AFF3: variants seen among roughly 807,000 people sequenced by gnomAD.
AFF3 encodes ALF transcription elongation factor 3.
In AFF3, 32 loss-of-function variants were observed where a neutral mutation model predicts 129.7. The observed-to-expected ratio is 0.25, with a 90% CI of 0.19 to 0.33. AFF3 has a LOEUF of 0.33. AFF3 is among the 10% of genes least tolerant of loss of function. The probability of loss-of-function intolerance (pLI) is 1.00; values close to 1 mark genes in which losing one functional copy is unlikely to be tolerated. For missense variants in AFF3, 1,373 were observed against 1,592.0 expected, an observed-to-expected ratio of 0.86 and a Z score of 2.34; for synonymous variants, 644 against 635.4, an observed-to-expected ratio of 1.01 and a Z score of -0.20.
intron 7 of AFF3, among the ~76,000 whole-genome samples, chr2:99,943,527 A>G (rs1047506521): frequency 6.6e-6 from 1 of 152,216 alleles, no homozygotes; most frequent in African/African-American, 2.4e-5. Flanking sequence ...TTTGATCAGT[A>G]AAAGAAAATG....
intron 8 of AFF3, among the ~76,000 whole-genome samples, chr2:99,803,825 T>C (rs1057046846): frequency 6.6e-6 from 1 of 151,822 alleles, no homozygotes; most frequent in Non-Finnish European, 1.5e-5. Context: ...AAAACATAAA[T>C]TGGAAAAAGG....
chr2:100,017,407 A>T (rs1683224953), intron 4 of AFF3, among the ~76,000 whole-genome samples: 1 of 152,092 alleles, frequency 6.6e-6, no homozygotes, highest in Non-Finnish European at 1.5e-5. Context: ...TCTTAATTCA[A>T]TCTTGAAAAT....
chr2:99,690,463 G>A (rs1675545220), intron 11 of AFF3, among the ~76,000 whole-genome samples: 1 of 151,894 alleles, frequency 6.6e-6, no homozygotes, highest in Non-Finnish European at 1.5e-5. Flanking sequence ...TTACAGGCGT[G>A]AGCCACCACG....
chr2:99,941,662 G>A (rs925587632), intron 7 of AFF3, among the ~76,000 whole-genome samples: 3 of 152,160 alleles, frequency 2.0e-5, no homozygotes, highest in Non-Finnish European at 4.4e-5. Context: ...TTCTTACAAA[G>A]CTTCCTAAGT....
intron 11 of AFF3, chr2:99,707,331 G>C: frequency 1.0e-6 from 1 of 984,856 alleles, no homozygotes; most frequent in Non-Finnish European, 1.2e-6. Flanking sequence ...CAATCTTGAA[G>C]CTGTCAGTTA....
intron 12 of AFF3, among the ~76,000 whole-genome samples, chr2:99,662,855 G>A (rs1686363414): frequency 6.6e-6 from 1 of 152,156 alleles, no homozygotes. Context: ...GGATGTGAAT[G>A]TCACGCTGAC....
intron 11 of AFF3, among the ~76,000 whole-genome samples, chr2:99,705,867 T>G (rs1575749281): frequency 1.2e-5 from 1 of 85,190 alleles, no homozygotes; most frequent in Admixed American, 1.9e-4. Flanking sequence ...AGAGCAAAAC[T>G]GCGCCTCAAA....
At chr2:100,132,790 C>G (rs947249715) in intron 1 of AFF3, among the ~76,000 whole-genome samples, 1 of 151,898 alleles carries the variant, frequency 6.6e-6, no homozygotes, top group African/African-American at 2.4e-5. Flanking sequence ...ATTGATTACA[C>G]ATTGAAATGA....
intron 4 of AFF3, among the ~76,000 whole-genome samples, chr2:100,060,246 T>C (rs377363798): frequency 2.0e-5 from 3 of 152,216 alleles, no homozygotes; most frequent in African/African-American, 7.2e-5. Flanking sequence ...ACAACAGAGA[T>C]GTAGCCTATG....
chr2:99,813,695 C>T (rs1686975802), intron 8 of AFF3, among the ~76,000 whole-genome samples: 1 of 152,192 alleles, frequency 6.6e-6, no homozygotes, highest in Admixed American at 6.5e-5. Flanking sequence ...CTGGTTAGAG[C>T]CTTCTCTGTA....
chr2:99,868,835 C>T (rs1048069289), intron 7 of AFF3, among the ~76,000 whole-genome samples: 1 of 152,152 alleles, frequency 6.6e-6, no homozygotes, highest in African/African-American at 2.4e-5. Context: ...CTCTGTCACC[C>T]AGGCTGGAGT....
chr2:99,749,291 A>C (rs1681430238), intron 9 of AFF3, among the ~76,000 whole-genome samples: 1 of 152,228 alleles, frequency 6.6e-6, no homozygotes, highest in Admixed American at 6.5e-5. Flanking sequence ...ATTACACCTC[A>C]ATAGAGCTAA....
Position 99,593,634 on chromosome 2 carries a change from G to T in AFF3, c.2027C>A (p.Ser676Tyr). 1.2e-6 allele frequency: 2 copies of T among 1,609,652 alleles called. No individual in the cohort carries two copies. Among genetic ancestry groups the T allele is most frequent in the Non-Finnish European group, 1.7e-6 (2 of 1,177,478 alleles). The change falls in exon 15 of 25, where the codon TCC (serine) becomes TAC (tyrosine). Residue 676 changes from serine to tyrosine, a missense_variant. Around this residue, in one of 9 missense-constraint regions of AFF3, gnomAD observed 466 missense variants for 505.0 expected, o/e 0.92. Transcript: ENST00000672756. ...IETESSSSSS[S>Y]SDSDLESEQE... ...CTCGGACTCCAGGTCGGAGTCCGAGGAGGAGGATGAAGATGACGACTCTGT... is the reference window on the plus strand; with the variant it reads ...CTCGGACTCCAGGTCGGAGTCCGAGTAGGAGGATGAAGATGACGACTCTGT...
chr2:99,757,758 C>T (rs1351163276), intron 8 of AFF3, among the ~76,000 whole-genome samples: 2 of 152,202 alleles, frequency 1.3e-5, no homozygotes, highest in Non-Finnish European at 2.9e-5. Context: ...ATGCTGGTAG[C>T]ACCTCCCAAC....
Position 99,798,083 on chromosome 2 carries a change from T to C in AFF3, c.921+39394A>G, listed in dbSNP as rs573954557. On this transcript the variant is annotated intron_variant, in intron 8 of 24. Coordinates refer to ENST00000672756, the MANE Select transcript of AFF3 (RefSeq NM_001386135.1). Reference sequence around the variant, plus strand: ...TTATATTTTTGGAGTTGATAACATATACAAGTAAAATGTTTGACAACAATA... The same window carrying C: ...TTATATTTTTGGAGTTGATAACATACACAAGTAAAATGTTTGACAACAATA... Among the ~76,000 whole-genome samples the C allele has an allele frequency of 1.6e-4, 24 of 152,182 alleles. No individual in the cohort carries two copies. The South Asian group carries it at 3.9e-3, about 25-fold the overall frequency.
At chr2:99,952,898 T>A (rs375281422) in intron 7 of AFF3, among the ~76,000 whole-genome samples, 1 of 152,200 alleles carries the variant, frequency 6.6e-6, no homozygotes, top group Non-Finnish European at 1.5e-5. Context: ...TGTTGAATCA[T>A]CCTGTGTTTC....
intron 8 of AFF3, among the ~76,000 whole-genome samples, chr2:99,803,907 C>T (rs1378458113): frequency 6.6e-6 from 1 of 152,152 alleles, no homozygotes; most frequent in Non-Finnish European, 1.5e-5. Flanking sequence ...GGATTCTTAT[C>T]TCTAACCATC....
intron 12 of AFF3, among the ~76,000 whole-genome samples, chr2:99,670,608 A>G (rs1687070638): frequency 6.6e-6 from 1 of 152,190 alleles, no homozygotes; most frequent in South Asian, 2.1e-4. Flanking sequence ...GGTCTTGAAG[A>G]GAAAAAAATA....
At chr2:99,802,522 G>C (rs936353266) in intron 8 of AFF3, among the ~76,000 whole-genome samples, 1 of 152,068 alleles carries the variant, frequency 6.6e-6, no homozygotes, top group East Asian at 1.9e-4. Context: ...ACTTAGCCAG[G>C]TGCAGTGGTG....
Sources: allele counts gnomAD v4.1 joint callset (sites outside exome capture counted in the v4.1 genomes callset), GRCh38; gene constraint gnomAD v4.1.1; regional missense constraint gnomAD v4.1.1; transcripts MANE v1.5; gene names NCBI Gene and HGNC (gene_info 2026-07-23, HGNC 2026-07-21).